Variants in TRAPPC9 observed in about 807,000 individuals in gnomAD.
The protein encoded by TRAPPC9 is IKK2 binding protein.
TRAPPC9 carries 83 observed loss-of-function variants against 124.0 expected under a neutral mutation model. The ratio of observed to expected loss-of-function variants is 0.67; its 90% CI spans 0.56 to 0.80. TRAPPC9 has a LOEUF of 0.80. Ranked by LOEUF, TRAPPC9 falls within the 30% of genes least tolerant of loss-of-function variation. The probability of loss-of-function intolerance (pLI) is 0.00; values close to 1 mark genes in which losing one functional copy is unlikely to be tolerated. For missense variants in TRAPPC9, 1,302 were observed against 1,508.3 expected (o/e 0.86, Z 2.27); for synonymous variants, 638 against 617.5 (o/e 1.03, Z -0.49).
chr8:139,814,351 A>T (rs1178556624), intron 21 of TRAPPC9, among the ~76,000 whole-genome samples: 2 of 152,198 alleles, frequency 1.3e-5, no homozygotes, highest in Non-Finnish European at 2.9e-5. Flanking sequence ...CGCTGCTCAG[A>T]ACCCCTCAAG....
At chr8:139,843,766 C>A (rs1161265252) in intron 21 of TRAPPC9, among the ~76,000 whole-genome samples, 3 of 152,188 alleles carry the variant, frequency 2.0e-5, no homozygotes, top group African/African-American at 7.2e-5. Context: ...TCAAGGGCCT[C>A]CAGAAGGAAT....
At chr8:139,857,352 G>A (rs1827865876) in intron 21 of TRAPPC9, among the ~76,000 whole-genome samples, 3 of 152,222 alleles carry the variant, frequency 2.0e-5, no homozygotes, top group Admixed American at 2.0e-4. Context: ...GCGAGGCATA[G>A]CAATATTTCC....
Position 140,015,979 on chromosome 8 carries a change from A to G in TRAPPC9, c.2699+7958T>C, listed in dbSNP as rs539348200. On this transcript the variant is annotated intron_variant, in intron 18 of 22. Transcript: ENST00000438773. Reference sequence around the variant, plus strand: ...TTGACCACCTGGCTGCATGTTCCACAGAGCTCAAAATCCAGTGGAAGAACC... The same window carrying G: ...TTGACCACCTGGCTGCATGTTCCACGGAGCTCAAAATCCAGTGGAAGAACC... Among the ~76,000 whole-genome samples the G allele has an allele frequency of 4.6e-5, 7 of 152,264 alleles. No individual in the cohort carries two copies. The South Asian group carries it at 1.5e-3, about 32-fold the overall frequency.
chr8:140,455,992 G>A (rs781579398), intron 1 of TRAPPC9, among the ~76,000 whole-genome samples: 13 of 152,154 alleles, frequency 8.5e-5, no homozygotes, highest in Non-Finnish European at 1.6e-4. Flanking sequence ...AAAGTAAACC[G>A]GTGGCCGCCA....
intron 20 of TRAPPC9, among the ~76,000 whole-genome samples, chr8:139,890,496 G>A (rs1830272045): frequency 6.6e-6 from 1 of 152,262 alleles, no homozygotes. Flanking sequence ...GGCATCTCCT[G>A]GGAGGACCTT....
intron 3 of TRAPPC9, 54 bp from the exon 4 acceptor site, chr8:140,435,294 G>GAAAACAAAAAA: frequency 8.9e-7 from 1 of 1,120,060 alleles, no homozygotes; most frequent in Non-Finnish European, 1.3e-6. Flanking sequence ...ACAAAAACCA[G>GAAAACAAAAAA]CATCATTAGT....
At chr8:140,301,962 G>C (rs924607324) in intron 10 of TRAPPC9, among the ~76,000 whole-genome samples, 1 of 152,246 alleles carries the variant, frequency 6.6e-6, no homozygotes, top group South Asian at 2.1e-4. Context: ...CTTGTGTGAG[G>C]GAGGTAGAAA....
chr8:139,995,960 T>A (rs1262714243), intron 18 of TRAPPC9, among the ~76,000 whole-genome samples: 1 of 140,386 alleles, frequency 7.1e-6, no homozygotes, highest in Non-Finnish European at 1.5e-5. Context: ...CAGAATACGA[T>A]CTAAAATAAC....
chr8:139,997,762 T>C (rs1181732368), intron 18 of TRAPPC9, among the ~76,000 whole-genome samples: 7 of 110,472 alleles, frequency 6.3e-5, no homozygotes, highest in Non-Finnish European at 9.2e-5. Flanking sequence ...CAGTGCATCC[T>C]ACACAGGGGA....
chr8:140,100,152 C>T (rs2060549420), intron 17 of TRAPPC9: 1 of 151,050 alleles, frequency 6.6e-6, no homozygotes, highest in Non-Finnish European at 1.5e-5. Context: ...GACGCCCACC[C>T]GGGTCCTCCG....
intron 17 of TRAPPC9, among the ~76,000 whole-genome samples, chr8:140,193,550 T>G (rs1320712905): frequency 1.3e-5 from 2 of 149,670 alleles, no homozygotes; most frequent in East Asian, 3.9e-4. Flanking sequence ...AAGTTCAGAT[T>G]TGAGCCAGAA....
At chr8:139,816,002 G>A (rs11166931) in intron 21 of TRAPPC9, among the ~76,000 whole-genome samples, 54,365 of 152,166 alleles carry the variant, frequency 0.36, 10,647 homozygotes, top group East Asian at 0.57. Context: ...GCTGGGGACC[G>A]GGCGGGTGGA....
chr8:139,935,058 A>G (rs1321235273), intron 19 of TRAPPC9, among the ~76,000 whole-genome samples: 1 of 152,120 alleles, frequency 6.6e-6, no homozygotes, highest in Non-Finnish European at 1.5e-5. Context: ...CTGTCACTTC[A>G]CTGCTCAGGA....
At chr8:139,875,023 G>T (rs1829232531) in intron 21 of TRAPPC9, among the ~76,000 whole-genome samples, 1 of 152,238 alleles carries the variant, frequency 6.6e-6, no homozygotes, top group African/African-American at 2.4e-5. Flanking sequence ...CTTCCTGAAA[G>T]GCGCAGTAGG....
At chr8:139,974,479 A>G (rs1836308339) in intron 19 of TRAPPC9, among the ~76,000 whole-genome samples, 1 of 152,186 alleles carries the variant, frequency 6.6e-6, no homozygotes, top group South Asian at 2.1e-4. Context: ...TGACCTCACT[A>G]CAACCTCTTG....
intron 21 of TRAPPC9, among the ~76,000 whole-genome samples, chr8:139,785,741 A>C (rs950628052): frequency 6.6e-6 from 1 of 151,030 alleles, no homozygotes; most frequent in African/African-American, 2.4e-5. Context: ...AAAAAAGAAG[A>C]AAAAAAAAGG....
rs534431390 is a variant in TRAPPC9 at position 139,776,164 on chromosome 8, G to T, written c.3056-43962C>A. On this transcript the variant is annotated intron_variant, in intron 21 of 22. Coordinates refer to ENST00000438773, the MANE Select transcript of TRAPPC9 (RefSeq NM_001160372.4). The surrounding 1 kb of genome is among the most constrained non-coding windows in gnomAD (Gnocchi z 4.1). ...CCACGTGCTAGTCATGGGGGCTTGGGACCCAGCCTCAGTCTCTGGGCTCCC... is the reference window on the plus strand; with the variant it reads ...CCACGTGCTAGTCATGGGGGCTTGGTACCCAGCCTCAGTCTCTGGGCTCCC... 4.6e-5 allele frequency among the ~76,000 whole-genome samples: 7 copies of T among 152,288 alleles called. No homozygotes were observed. The highest frequency in any genetic ancestry group is 8.8e-5 in the Non-Finnish European group (6 of 68,020).
rs1053614102 is a variant in TRAPPC9 at position 139,739,469 on chromosome 8, G to A, written c.3056-7267C>T. Among the ~76,000 whole-genome samples the A allele has an allele frequency of 2.6e-5, 4 of 152,176 alleles. No homozygotes were observed. The East Asian group carries it at 5.8e-4, about 22-fold the overall frequency. On this transcript the variant is annotated intron_variant, in intron 21 of 22. Coordinates refer to ENST00000438773, the MANE Select transcript of TRAPPC9 (RefSeq NM_001160372.4). Reference sequence around the variant, plus strand: ...TTCTCACCCCAACTCTGGTCTCCTCGGCCCTACGAGTTTCCTCCCAGAGCC... The same window carrying A: ...TTCTCACCCCAACTCTGGTCTCCTCAGCCCTACGAGTTTCCTCCCAGAGCC...
chr8:139,915,924 G>A (rs1310096928), intron 19 of TRAPPC9, among the ~76,000 whole-genome samples: 1 of 152,176 alleles, frequency 6.6e-6, no homozygotes, highest in Non-Finnish European at 1.5e-5. Context: ...TGTGAGGAAG[G>A]GGCTTGTGCG....
Sources: gnomAD v4.1 joint callset for allele counts (sites outside exome capture counted in the v4.1 genomes callset) on GRCh38, gnomAD v4.1.1 for gene constraint, Gnocchi (gnomAD v3.1) non-coding constraint, MANE v1.5 for transcripts, NCBI Gene and HGNC (gene_info 2026-07-23, HGNC 2026-07-21) for gene names.